The following KATNA1 variants were observed in gnomAD, a reference collection of about 807,000 sequenced individuals.
The protein encoded by KATNA1 is katanin catalytic subunit A1, also known as katanin p60 ATPase-containing subunit A1.
KATNA1 carries 42 observed loss-of-function variants against 62.6 expected under a neutral mutation model. That is an observed-to-expected ratio of 0.67 (90% CI 0.52 to 0.87). The LOEUF (loss-of-function observed/expected upper bound fraction) is 0.87, where lower values mean the gene tolerates loss of function less well. Ranked by LOEUF, KATNA1 falls within the 40% of genes least tolerant of loss-of-function variation. The pLI is 0.00. For synonymous variants in KATNA1, 186 were observed against 201.9 expected (o/e 0.92, Z 0.67); for missense variants, 498 against 612.5 (o/e 0.81, Z 1.97).
intron 3 of KATNA1, among the ~76,000 whole-genome samples, chr6:149,629,336 C>G (rs1454672755): frequency 2.6e-5 from 4 of 152,102 alleles, no homozygotes; most frequent in African/African-American, 4.8e-5. Flanking sequence ...TGTGAAAGAG[C>G]TTACTCACTC....
At chr6:149,626,509 C>T (rs1177006286) in intron 3 of KATNA1, among the ~76,000 whole-genome samples, 8 of 148,330 alleles carry the variant, frequency 5.4e-5, no homozygotes, top group African/African-American at 2.0e-4. Flanking sequence ...GTCTCGATCT[C>T]CTGACCTCGT....
chr6:149,639,754 C>T (rs766051102), intron 1 of KATNA1, among the ~76,000 whole-genome samples: 2 of 152,196 alleles, frequency 1.3e-5, no homozygotes, highest in African/African-American at 2.4e-5. Flanking sequence ...TCTCCCTCCT[C>T]TAAAGTCCCC....
rs1780149462 is a variant in KATNA1, at chr6:149,638,444, T to C, written c.104A>G (p.Gln35Arg). 3 of 1,613,994 alleles carry C rather than the reference T, an allele frequency of 1.9e-6. No individual in the cohort carries two copies. The highest frequency in any genetic ancestry group is 2.5e-6 in the Non-Finnish European group (3 of 1,180,002). The change falls in exon 2 of 11, where the codon CAA becomes CGA. Residue 35 changes from glutamine to arginine, a missense_variant. Transcript: ENST00000367411. ...GACTGAGTACAGATACTTGTTCATT[T>C]GGTCAAGAACTCCCTGATAATAGAC... ...AMVYYQGVLD[Q>R]MNKYLYSVKD...
chr6:149,643,400 C>G (rs1186267227), intron 1 of KATNA1, among the ~76,000 whole-genome samples: 1 of 152,110 alleles, frequency 6.6e-6, no homozygotes, highest in Non-Finnish European at 1.5e-5. Flanking sequence ...TTTAAGTCAC[C>G]AAGTTTTGGG....
chr6:149,628,406 G>A (rs1452143253), intron 3 of KATNA1, among the ~76,000 whole-genome samples: 4 of 151,784 alleles, frequency 2.6e-5, no homozygotes, highest in Non-Finnish European at 5.9e-5. Flanking sequence ...ACCGTGCCTG[G>A]CCTGTACTCA....
At chr6:149,597,849 A>C (rs374449346) in intron 8 of KATNA1, among the ~76,000 whole-genome samples, 24 of 152,236 alleles carry the variant, frequency 1.6e-4, no homozygotes, top group African/African-American at 5.8e-4. Context: ...ATATGACTCA[A>C]AATAGATTTA....
intron 2 of KATNA1, among the ~76,000 whole-genome samples, chr6:149,633,402 C>T (rs1373077546): frequency 6.6e-6 from 1 of 152,120 alleles, no homozygotes. Context: ...CCACTGCGCT[C>T]GGCCCTCAAT....
At chr6:149,611,362 T>C (rs1172369334) in intron 4 of KATNA1, among the ~76,000 whole-genome samples, 1 of 144,840 alleles carries the variant, frequency 6.9e-6, no homozygotes, top group Non-Finnish European at 1.5e-5. Flanking sequence ...CTCAGGAGGC[T>C]GAGGCAGGAG....
At chr6:149,608,544 G>A (rs1184312559) in intron 4 of KATNA1, among the ~76,000 whole-genome samples, 1 of 152,196 alleles carries the variant, frequency 6.6e-6, no homozygotes, top group East Asian at 1.9e-4. Flanking sequence ...ACCCAGGGCA[G>A]CAAAGGCAGG....
At chr6:149,647,801 G>C (rs181453508) in intron 1 of KATNA1, among the ~76,000 whole-genome samples, 1 of 152,282 alleles carries the variant, frequency 6.6e-6, no homozygotes, top group Admixed American at 6.5e-5. Flanking sequence ...TTGGAAGTTA[G>C]TAACTAATAT....
rs1338784967 is a variant in KATNA1 at position 149,597,449 on chromosome 6, T to C, written c.1150+58A>G. On this transcript the variant is annotated intron_variant, in intron 9 of 10. Coordinates refer to ENST00000367411, the MANE Select transcript of KATNA1 (RefSeq NM_007044.4). ...TTAGTTAATAACAAATTTTAAATTCTCTAAACAAAACTACATGAAAGTTAA... is the reference window on the plus strand; with the variant it reads ...TTAGTTAATAACAAATTTTAAATTCCCTAAACAAAACTACATGAAAGTTAA... 2.5e-6 allele frequency: 4 copies of C among 1,590,014 alleles called. No individual in the cohort carries two copies. In the African/African-American group the frequency reaches 5.4e-5, roughly 22 times the overall value.
intron 2 of KATNA1, among the ~76,000 whole-genome samples, chr6:149,633,222 C>T (rs1414892459): frequency 1.3e-5 from 2 of 151,416 alleles, no homozygotes; most frequent in South Asian, 2.1e-4. Context: ...ATTCTCCTGC[C>T]TCAGCCTCCC....
At chr6:149,646,132 A>G (rs1394397491) in intron 1 of KATNA1, among the ~76,000 whole-genome samples, 1 of 152,166 alleles carries the variant, frequency 6.6e-6, no homozygotes, top group Admixed American at 6.5e-5. Context: ...ATATTAAAGG[A>G]ACACCAACTA....
Position 149,635,672 on chromosome 6 carries a change from G to A in KATNA1, c.162+2714C>T, listed in dbSNP as rs2114617505. 1.3e-5 allele frequency among the ~76,000 whole-genome samples: 2 copies of A among 152,070 alleles called. 1 individual carries two copies. Among genetic ancestry groups the A allele is most frequent in the South Asian group, 4.2e-4 (2 of 4,818 alleles). On this transcript the variant is annotated intron_variant, in intron 2 of 10. Coordinates refer to ENST00000367411, the MANE Select transcript of KATNA1 (RefSeq NM_007044.4). ...TGCAATGAGCCGAGACTGCGCCACT[G>A]CACTACAGCCTGGGCAACAGAGTGA...
At chr6:149,611,823 C>T (rs1382731143) in intron 4 of KATNA1, among the ~76,000 whole-genome samples, 2 of 151,888 alleles carry the variant, frequency 1.3e-5, no homozygotes, top group Non-Finnish European at 2.9e-5. Context: ...CATGGTGAAA[C>T]CCCGTCACTG....
At chr6:149,617,970 TA>T (rs1202476816) in intron 4 of KATNA1, among the ~76,000 whole-genome samples, 1 of 59,702 alleles carries the variant, frequency 1.7e-5, no homozygotes, top group Non-Finnish European at 2.8e-5. Flanking sequence ...AAATAAATAA[TA>T]AAATAAATAA....
intron 10 of KATNA1, among the ~76,000 whole-genome samples, chr6:149,595,701 C>A (rs1778280428): frequency 6.6e-6 from 1 of 151,888 alleles, no homozygotes. Flanking sequence ...ACAGCTCTTG[C>A]CTTTTACCAA....
At chr6:149,614,330 C>T (rs1200276107) in intron 4 of KATNA1, among the ~76,000 whole-genome samples, 1 of 152,188 alleles carries the variant, frequency 6.6e-6, no homozygotes, top group Non-Finnish European at 1.5e-5. Context: ...CAAGCCCTTC[C>T]CCTTCAGGCT....
At chr6:149,596,574 C>CTT (rs879705450) in intron 10 of KATNA1, among the ~76,000 whole-genome samples, 1 of 146,830 alleles carries the variant, frequency 6.8e-6, no homozygotes, top group Non-Finnish European at 1.5e-5. Flanking sequence ...CTTTATTCAT[C>CTT]TTTTTTTTTT....
Sources: allele counts gnomAD v4.1 joint callset (sites outside exome capture counted in the v4.1 genomes callset), GRCh38; gene constraint gnomAD v4.1.1; transcripts MANE v1.5; gene names NCBI Gene and HGNC (gene_info 2026-07-23, HGNC 2026-07-21).